Variants in TEX11 observed in about 807,000 individuals in gnomAD.
TEX11 encodes testis expressed 11.
TEX11 carries 7 observed loss-of-function variants against 84.4 expected under a neutral mutation model. The observed-to-expected ratio is 0.08, with a 90% CI of 0.05 to 0.16. The LOEUF (loss-of-function observed/expected upper bound fraction) is 0.16. Among genes scored for constraint, TEX11 ranks in the 10% least tolerant of loss-of-function variants. The pLI, the probability that TEX11 is intolerant of heterozygous loss-of-function variation, is 1.00. For missense variants in TEX11, 551 were observed against 660.5 expected, an observed-to-expected ratio of 0.83 and a Z score of 1.82; for synonymous variants, 264 against 222.8, an observed-to-expected ratio of 1.18 and a Z score of -1.64.
chrX:70,732,559 A>G lies in TEX11; in HGVS notation c.844-7216T>C, dbSNP rs1386249339. On this transcript the variant is annotated intron_variant, in intron 11 of 29. Transcript: ENST00000374333. ...GTGAACTCCCATTCACAGTTGCTTCAAAGAGAATAAAATACCTAGGAATCC... is the reference window on the plus strand; with the variant it reads ...GTGAACTCCCATTCACAGTTGCTTCGAAGAGAATAAAATACCTAGGAATCC... Among the ~76,000 whole-genome samples the G allele has an allele frequency of 4.5e-5, 5 of 111,809 alleles. No homozygotes were observed. In the East Asian group the frequency reaches 1.4e-3, roughly 31 times the overall value.
chrX:70,751,465 A>G lies in TEX11; in HGVS notation c.693-7246T>C, dbSNP rs1040465465. Among the ~76,000 whole-genome samples the G allele has an allele frequency of 1.7e-3, 132 of 77,485 alleles. 2 individuals carry two copies. Among genetic ancestry groups the G allele is most frequent in the Middle Eastern group, 7.5e-3 (1 of 134 alleles). 67.3% of individuals were successfully genotyped at this position (77,485 alleles called of 115,157 possible). On this transcript the variant is annotated intron_variant, in intron 9 of 29. Coordinates refer to ENST00000374333, the MANE Select transcript of TEX11 (RefSeq NM_031276.3). ...ACATGGACACAGGAAGGGGAGCATC[A>G]CACACCAGGGCCTGTTGTGGGGTGG...
intron 17 of TEX11, among the ~76,000 whole-genome samples, chrX:70,631,359 A>G (rs2089508189): frequency 8.9e-6 from 1 of 112,489 alleles, no homozygotes; most frequent in Admixed American, 9.4e-5. Flanking sequence ...GAAAATCTGC[A>G]AATATTTGGA....
rs67645855 is a variant in TEX11, at chrX:70,671,880, GATAT to G, written c.1243-1370_1243-1367del. On this transcript the variant is annotated intron_variant, in intron 15 of 29. Transcript: ENST00000374333. ...AATATTTAAACTGTACAATTGTTTTGATATATATATATATATATATATATATATA... is the reference window on the plus strand; with the variant it reads ...AATATTTAAACTGTACAATTGTTTTGATATATATATATATATATATATATA... Among the ~76,000 whole-genome samples the G allele has an allele frequency of 2.1e-3, 139 of 66,336 alleles. 2 individuals carry two copies. Among genetic ancestry groups the G allele is most frequent in the Middle Eastern group, 0.011 (1 of 94 alleles). 57.6% of individuals were successfully genotyped at this position (66,336 alleles called of 115,157 possible).
Position 70,860,990 on chromosome X carries a change from TATACACCAA to T in TEX11, c.245-63_245-55del, listed in dbSNP as rs760620316. 3.4e-4 allele frequency: 278 copies of T among 815,500 alleles called. 3 individuals are homozygous for T. The African/African-American group carries it at 5.3e-3, about 16-fold the overall frequency. 67.2% of individuals were successfully genotyped at this position (815,500 alleles called of 1,213,427 possible). Reference sequence around the variant, plus strand: ...ACACAAAACATTCATTCTCCTTTTATATACACCAAAGAGAAAAGACAATTGAAGGAAGCC... The same window carrying T: ...ACACAAAACATTCATTCTCCTTTTATAGAGAAAAGACAATTGAAGGAAGCC... On this transcript the variant is annotated intron_variant, in intron 4 of 29. Transcript: ENST00000374333.
intron 28 of TEX11, among the ~76,000 whole-genome samples, chrX:70,535,557 G>A (rs2087945696): frequency 1.8e-5 from 2 of 111,231 alleles, no homozygotes; most frequent in South Asian, 7.7e-4. Flanking sequence ...GACCAGCCTA[G>A]GAGACATGGT....
chrX:70,711,771 T>A (rs1458817985), intron 13 of TEX11, among the ~76,000 whole-genome samples: 2 of 111,672 alleles, frequency 1.8e-5, no homozygotes, highest in African/African-American at 6.5e-5. Context: ...TTTCTTTTGC[T>A]GTGCAGAAGC....
intron 21 of TEX11, among the ~76,000 whole-genome samples, 174 bp from the exon 22 acceptor site, chrX:70,609,351 G>C (rs979477953): frequency 6.2e-5 from 7 of 112,463 alleles, no homozygotes; most frequent in Non-Finnish European, 1.1e-4. Flanking sequence ...GCATTACCAA[G>C]TTCCAAGAAG....
At chrX:70,564,031 C>A (rs1184644673) in intron 25 of TEX11, among the ~76,000 whole-genome samples, 1 of 112,046 alleles carries the variant, frequency 8.9e-6, no homozygotes, top group Non-Finnish European at 1.9e-5. Context: ...GAGTTCAAGA[C>A]CAGCCTTGCC....
intron 8 of TEX11, among the ~76,000 whole-genome samples, chrX:70,833,271 G>GA (rs1192379332): frequency 9.1e-4 from 43 of 47,498 alleles, no homozygotes; most frequent in Middle Eastern, 0.013. Flanking sequence ...CTCCATCTCA[G>GA]AAAAAAAAAA....
At position 70,726,989 on chromosome X, in the gene TEX11, A is replaced by G. The variant is rs1451118573; in HGVS notation, c.844-1646T>C. On this transcript the variant is annotated intron_variant, in intron 11 of 29. Transcript: ENST00000374333. ...GCTGGGATTATAGGCATGAACTACC[A>G]TGCCTGGCTCCCTTCCTTAGATTTT... Among the ~76,000 whole-genome samples the G allele has an allele frequency of 2.7e-5, 3 of 111,120 alleles. No individual in the cohort carries two copies. In the East Asian group the frequency reaches 8.5e-4, roughly 31 times the overall value.
chrX:70,895,327 A>C (rs1341215644), intron 2 of TEX11, among the ~76,000 whole-genome samples: 2 of 111,732 alleles, frequency 1.8e-5, no homozygotes, highest in African/African-American at 6.5e-5. Context: ...AATGTGAAGG[A>C]TCTCTTCAAG....
At chrX:70,542,641 C>T (rs2088061590) in intron 28 of TEX11, among the ~76,000 whole-genome samples, 1 of 111,655 alleles carries the variant, frequency 9.0e-6, no homozygotes, top group Non-Finnish European at 1.9e-5. Flanking sequence ...TCTGCTCAGT[C>T]TAAAGCATAA....
Position 70,806,777 on chromosome X carries a change from T to C in TEX11, c.620A>G (p.His207Arg). 8.6e-7 allele frequency: 1 copy of C among 1,164,649 alleles called. No homozygotes were observed. Among genetic ancestry groups the C allele is most frequent in the South Asian group, 1.9e-5 (1 of 53,027 alleles). Residue 207 changes from histidine (H) to arginine (R), a missense_variant, in exon 9 of 30, where the codon CAT becomes CGT. Transcript: ENST00000374333. ...TACTCCAAAGTTGTAACAGAGATGA[T>C]GAAGACTTGAAGTCTGCAATATAAA... The part of the protein sequence containing the change: ...MRLPQMTSSL[H>R]HLCYNFGVET...
chrX:70,775,627 C>T lies in TEX11; in HGVS notation c.692+31078G>A, dbSNP rs755604672. ...CCAGCCTGCCCAGCACGGTGAAACC[C>T]CATCTCTACTAAAAATACAAAAATT... On this transcript the variant is annotated intron_variant, in intron 9 of 29. Transcript: ENST00000374333. Among the ~76,000 whole-genome samples, 12 of 107,770 alleles carry T rather than the reference C, an allele frequency of 1.1e-4. No individual in the cohort carries two copies. In the South Asian group the frequency reaches 5.1e-3, roughly 45 times the overall value. 93.6% of individuals were successfully genotyped at this position (107,770 alleles called of 115,157 possible).
At chrX:70,675,649 T>C (rs368685859) in intron 15 of TEX11, among the ~76,000 whole-genome samples, 3 of 109,832 alleles carry the variant, frequency 2.7e-5, no homozygotes, top group South Asian at 4.0e-4. Context: ...CTTTTCTTTT[T>C]CTCAGAGTCT....
At chrX:70,583,456 G>A (rs1393869773) in intron 25 of TEX11, among the ~76,000 whole-genome samples, 1 of 112,146 alleles carries the variant, frequency 8.9e-6, no homozygotes, top group Non-Finnish European at 1.9e-5. Flanking sequence ...TTTTATGGCT[G>A]AGTACTATTT....
intron 14 of TEX11, among the ~76,000 whole-genome samples, chrX:70,681,287 G>T (rs1466188956): frequency 1.8e-5 from 2 of 112,269 alleles, no homozygotes; most frequent in Non-Finnish European, 3.8e-5. Flanking sequence ...GTATCTACTT[G>T]AAATATTATA....
At chrX:70,731,581 A>G (rs1317168527) in intron 11 of TEX11, among the ~76,000 whole-genome samples, 1 of 111,823 alleles carries the variant, frequency 8.9e-6, no homozygotes, top group Non-Finnish European at 1.9e-5. Flanking sequence ...CTCGATACAT[A>G]CACCCTCCCA....
chrX:70,592,182 G>A (rs888745653), intron 24 of TEX11, among the ~76,000 whole-genome samples: 6 of 110,997 alleles, frequency 5.4e-5, no homozygotes, highest in African/African-American at 2.0e-4. Flanking sequence ...TCATGTAAAG[G>A]CTCAGGAAAT....
Sources: gnomAD v4.1 joint callset for allele counts (sites outside exome capture counted in the v4.1 genomes callset) on GRCh38, gnomAD v4.1.1 for gene constraint, MANE v1.5 for transcripts, NCBI Gene and HGNC (gene_info 2026-07-23, HGNC 2026-07-21) for gene names.